The following PKIB variants were observed in gnomAD, a reference collection of about 807,000 sequenced individuals.
PKIB encodes cAMP-dependent protein kinase inhibitor beta, also known as PKI-beta.
PKIB carries 2 observed loss-of-function variants against 4.5 expected under a neutral mutation model. That is an observed-to-expected ratio of 0.44 (90% CI 0.18 to 1.39). PKIB has a LOEUF of 1.39. Among genes scored for constraint, PKIB ranks in the 40% most tolerant of loss-of-function variants. The pLI, the probability that PKIB is intolerant of heterozygous loss-of-function variation, is 0.27. For missense variants in PKIB, 94 were observed against 92.6 expected (o/e 1.02, Z -0.06); for synonymous variants, 38 against 36.0 (o/e 1.06, Z -0.20).
chr6:122,651,419 T>C (rs73534783), intron 2 of PKIB, among the ~76,000 whole-genome samples: 1 of 152,278 alleles, frequency 6.6e-6, no homozygotes, highest in African/African-American at 2.4e-5. Flanking sequence ...GGATAAGTTC[T>C]GAGGAGAATC....
At position 122,542,594 on chromosome 6, in the gene PKIB, G is replaced by A. The variant is rs192666548; in HGVS notation, c.-247-43327G>A. Among the ~76,000 whole-genome samples, 731 of 152,146 alleles carry A rather than the reference G, an allele frequency of 4.8e-3. 7 individuals are homozygous for A. Among genetic ancestry groups the A allele is most frequent in the African/African-American group, 0.017 (689 of 41,440 alleles). ...CCTCTGGAAGTTTTGTCTCAGAGGAGTACCCGGCCGTGTGAGGTGTCAGTC... is the reference window on the plus strand; with the variant it reads ...CCTCTGGAAGTTTTGTCTCAGAGGAATACCCGGCCGTGTGAGGTGTCAGTC... On this transcript the variant is annotated intron_variant, in intron 2 of 6. Coordinates refer to the PKIB transcript ENST00000392491.
At chr6:122,518,005 T>G (rs1344935773) in intron 2 of PKIB, among the ~76,000 whole-genome samples, 1 of 152,222 alleles carries the variant, frequency 6.6e-6, no homozygotes, top group African/African-American at 2.4e-5. Flanking sequence ...AAAGAGCATG[T>G]TCATGTAAAA....
chr6:122,511,471 G>A (rs1005193197), intron 2 of PKIB, among the ~76,000 whole-genome samples: 18 of 152,116 alleles, frequency 1.2e-4, no homozygotes, highest in African/African-American at 3.9e-4. Flanking sequence ...GGAGTCCTTT[G>A]TCCATCGGTC....
chr6:122,572,835 G>A (rs1207038338), intron 2 of PKIB, among the ~76,000 whole-genome samples: 1 of 152,020 alleles, frequency 6.6e-6, no homozygotes. Flanking sequence ...TTCAAGGCTA[G>A]TATGAACACC....
intron 1 of PKIB, among the ~76,000 whole-genome samples, chr6:122,630,080 A>G (rs1192914709): frequency 6.6e-6 from 1 of 152,152 alleles, no homozygotes; most frequent in Non-Finnish European, 1.5e-5. Flanking sequence ...AACTTTCTGT[A>G]CTATCTTCAA....
At chr6:122,699,281 T>TAA (rs58796900) in intron 3 of PKIB, among the ~76,000 whole-genome samples, 1 of 150,454 alleles carries the variant, frequency 6.6e-6, no homozygotes. Flanking sequence ...ATTTGTGAAC[T>TAA]AAAATATATA....
At position 122,562,871 on chromosome 6, in the gene PKIB, A is replaced by AT. The variant is rs201455526; in HGVS notation, c.-247-23039dup. Among the ~76,000 whole-genome samples, 461 of 144,252 alleles carry AT rather than the reference A, an allele frequency of 3.2e-3. 3 individuals are homozygous for AT. The highest frequency in any genetic ancestry group is 0.011 in the Middle Eastern group (3 of 272). 94.6% of individuals were successfully genotyped at this position (144,252 alleles called of 152,430 possible). ...TATTTCTCCCTTCACTTCTGGTATCATTTTTTTTTTTATTTCCTTGCATTG... is the reference window on the plus strand; with the variant it reads ...TATTTCTCCCTTCACTTCTGGTATCATTTTTTTTTTTTATTTCCTTGCATTG... On this transcript the variant is annotated intron_variant, in intron 2 of 6. Coordinates refer to the PKIB transcript ENST00000392491.
intron 3 of PKIB, among the ~76,000 whole-genome samples, chr6:122,715,483 G>A (rs1660407514): frequency 6.6e-6 from 1 of 151,808 alleles, no homozygotes; most frequent in Admixed American, 6.6e-5. Context: ...AAGCTGTTGA[G>A]AAGAGATCTA....
chr6:122,655,946 G>A (rs1319237278), intron 2 of PKIB, among the ~76,000 whole-genome samples: 1 of 152,016 alleles, frequency 6.6e-6, no homozygotes, highest in East Asian at 1.9e-4. Flanking sequence ...TTAAAAAGGT[G>A]CTTGAAATTG....
chr6:122,722,186 A>T (rs1779772041), intron 4 of PKIB, among the ~76,000 whole-genome samples: 1 of 152,192 alleles, frequency 6.6e-6, no homozygotes, highest in Admixed American at 6.5e-5. Context: ...TCCTTTCATT[A>T]ACATCACAAT....
At chr6:122,583,922 A>G (rs1422108250) in intron 2 of PKIB, among the ~76,000 whole-genome samples, 1 of 152,054 alleles carries the variant, frequency 6.6e-6, no homozygotes, top group African/African-American at 2.4e-5. Flanking sequence ...ACTTGGATGA[A>G]GAACTGGAGA....
chr6:122,541,205 G>C (rs1428812274), intron 2 of PKIB, among the ~76,000 whole-genome samples: 1 of 152,028 alleles, frequency 6.6e-6, no homozygotes, highest in East Asian at 1.9e-4. Context: ...ACTGTTATTT[G>C]TGAATTTGGT....
intron 2 of PKIB, chr6:122,644,852 C>A (rs1398276401): frequency 6.6e-6 from 1 of 152,134 alleles, no homozygotes; most frequent in Non-Finnish European, 1.5e-5. Context: ...TAAATCAAGG[C>A]ACATTTGCAG....
chr6:122,702,326 C>CTTTTTTTT (rs112095053), intron 3 of PKIB, among the ~76,000 whole-genome samples: 1 of 97,266 alleles, frequency 1.0e-5, no homozygotes, highest in Admixed American at 1.2e-4. Context: ...TTTAAAAAAA[C>CTTTTTTTT]TTTTTTTTTT....
chr6:122,577,850 A>G (rs573191544), intron 2 of PKIB, among the ~76,000 whole-genome samples: 1 of 151,546 alleles, frequency 6.6e-6, no homozygotes, highest in Non-Finnish European at 1.5e-5. Context: ...CAGAGCTTGC[A>G]GTGAGCTGAG....
At chr6:122,700,735 G>A (rs1481810986) in intron 3 of PKIB, among the ~76,000 whole-genome samples, 3 of 152,182 alleles carry the variant, frequency 2.0e-5, no homozygotes, top group Non-Finnish European at 1.5e-5. Context: ...AGGTGAAATT[G>A]GAGCTTTCTG....
intron 2 of PKIB, chr6:122,480,645 A>G (rs956767078): frequency 4.6e-5 from 7 of 152,120 alleles, no homozygotes; most frequent in Admixed American, 6.5e-5. Context: ...CTCCATTTCT[A>G]TCTCTTCCCT....
intron 2 of PKIB, among the ~76,000 whole-genome samples, chr6:122,503,251 G>T (rs1776297842): frequency 6.6e-6 from 1 of 152,136 alleles, no homozygotes; most frequent in Admixed American, 6.5e-5. Context: ...TACATAACAG[G>T]TAGTGGGTCT....
chr6:122,656,117 GC>G (rs541361391), intron 2 of PKIB, among the ~76,000 whole-genome samples: 9 of 151,928 alleles, frequency 5.9e-5, no homozygotes, highest in Non-Finnish European at 1.3e-4. Context: ...TTCAGGCTTA[GC>G]ACTTACAAAT....
Sources: gnomAD v4.1 joint callset for allele counts (sites outside exome capture counted in the v4.1 genomes callset) on GRCh38, gnomAD v4.1.1 for gene constraint, MANE v1.5 for transcripts, NCBI Gene and HGNC (gene_info 2026-07-23, HGNC 2026-07-21) for gene names.